Variants in PTCHD4 observed in about 807,000 individuals in gnomAD.
PTCHD4 encodes patched domain containing 4, also known as patched domain-containing protein 4.
A neutral mutation model predicts 58.1 loss-of-function variants in PTCHD4; 33 were observed. That is an observed-to-expected ratio of 0.57 (90% CI 0.43 to 0.76). The LOEUF is 0.76. Ranked by LOEUF, PTCHD4 falls within the 30% of genes least tolerant of loss-of-function variation. The pLI, the probability that PTCHD4 is intolerant of heterozygous loss-of-function variation, is 0.00. For synonymous variants in PTCHD4, 478 were observed against 409.6 expected (o/e 1.17, Z -2.02); for missense variants, 1,058 against 1,027.1 (o/e 1.03, Z -0.41).
chr6:47,925,796 G>A (rs909749853), intron 4 of PTCHD4, among the ~76,000 whole-genome samples: 6 of 152,048 alleles, frequency 3.9e-5, no homozygotes, highest in South Asian at 2.1e-4. Flanking sequence ...TTTCAGTCTC[G>A]GGGCAATTTA....
intron 1 of PTCHD4, among the ~76,000 whole-genome samples, chr6:48,084,057 T>A (rs989375203): frequency 6.6e-6 from 1 of 152,086 alleles, no homozygotes; most frequent in Non-Finnish European, 1.5e-5. Flanking sequence ...AAACCTCCTA[T>A]ATGGGGTTCG....
chr6:47,934,641 T>C (rs1247452715), intron 4 of PTCHD4, among the ~76,000 whole-genome samples: 2 of 152,172 alleles, frequency 1.3e-5, no homozygotes, highest in East Asian at 3.8e-4. Context: ...TTCCTTAGAC[T>C]CCTAGAACTG....
At chr6:48,017,767 T>C (rs968901125) in intron 3 of PTCHD4, among the ~76,000 whole-genome samples, 9 of 152,194 alleles carry the variant, frequency 5.9e-5, no homozygotes, top group African/African-American at 2.2e-4. Flanking sequence ...ATCACTTGAT[T>C]CGTGTGTCTG....
At chr6:48,029,300 TA>T (rs1763355880) in intron 3 of PTCHD4, among the ~76,000 whole-genome samples, 1 of 152,070 alleles carries the variant, frequency 6.6e-6, no homozygotes, top group East Asian at 1.9e-4. Flanking sequence ...AAGAGATTTA[TA>T]AAAAACTCTG....
rs1202258020 is a variant in PTCHD4, at chr6:47,879,299, A to G, written c.1536T>C (p.Tyr512=). Reference sequence around the variant, plus strand: ...AGACGTAGAATCCTATCACAGGGCTATAGTTGCTGAAATATTTCTGCTGAA... The same window carrying G: ...AGACGTAGAATCCTATCACAGGGCTGTAGTTGCTGAAATATTTCTGCTGAA... ...AMVQQKYFSN[Y]SPVIGFYVYE... The change falls in exon 5 of 5, where the codon TAT becomes TAC. Residue 512 remains tyrosine (Y), a synonymous_variant. Coordinates refer to ENST00000339488, the MANE Select transcript of PTCHD4 (RefSeq NM_001384253.1). 4 of 1,612,638 alleles carry G rather than the reference A, an allele frequency of 2.5e-6. No homozygotes were observed. Among genetic ancestry groups the G allele is most frequent in the Non-Finnish European group, 2.5e-6 (3 of 1,179,380 alleles).
intron 3 of PTCHD4, among the ~76,000 whole-genome samples, chr6:48,028,739 A>G (rs1389730875): frequency 6.6e-6 from 1 of 152,006 alleles, no homozygotes; most frequent in Non-Finnish European, 1.5e-5. Flanking sequence ...ATTTAAGATA[A>G]CCCAAATATT....
At chr6:47,990,258 G>A (rs112229590) in intron 4 of PTCHD4, among the ~76,000 whole-genome samples, 2,006 of 152,244 alleles carry the variant, frequency 0.013, 17 homozygotes, top group Non-Finnish European at 0.02. Context: ...TCTCAGATGA[G>A]ACTTTGGACT....
At chr6:48,087,889 G>A (rs1765292083) in intron 1 of PTCHD4, among the ~76,000 whole-genome samples, 1 of 152,070 alleles carries the variant, frequency 6.6e-6, no homozygotes, top group Admixed American at 6.5e-5. Flanking sequence ...ATTATATGGT[G>A]GTCCTTAAGC....
intron 3 of PTCHD4, among the ~76,000 whole-genome samples, chr6:48,029,436 G>A (rs1763361548): frequency 6.6e-6 from 1 of 152,000 alleles, no homozygotes; most frequent in Non-Finnish European, 1.5e-5. Flanking sequence ...CCAATATCAA[G>A]CAGAACAAAA....
chr6:47,978,148 T>G lies in PTCHD4; in HGVS notation c.898+30486A>C, dbSNP rs547644937. On this transcript the variant is annotated intron_variant, in intron 4 of 4. Coordinates refer to ENST00000339488, the MANE Select transcript of PTCHD4 (RefSeq NM_001384253.1). ...TTTCTTCTCCTCCTTTACTTCTTCT[T>G]CCTCTTCCTCCTTCTCTTGATTCTT... 6.7e-4 allele frequency among the ~76,000 whole-genome samples: 102 copies of G among 152,260 alleles called. 1 individual carries two copies. The highest frequency in any genetic ancestry group is 2.3e-3 in the African/African-American group (94 of 41,554).
At chr6:48,089,458 A>G (rs769754982) in intron 1 of PTCHD4, among the ~76,000 whole-genome samples, 6 of 152,352 alleles carry the variant, frequency 3.9e-5, no homozygotes, top group Non-Finnish European at 7.3e-5. Context: ...AAATCTTAAC[A>G]CATGTTAATG....
At chr6:47,954,771 C>T (rs1268392628) in intron 4 of PTCHD4, among the ~76,000 whole-genome samples, 2 of 152,210 alleles carry the variant, frequency 1.3e-5, no homozygotes, top group Non-Finnish European at 2.9e-5. Flanking sequence ...ACTCCCCTAT[C>T]TGTAAGTGTA....
At chr6:47,983,324 G>A (rs1767952239) in intron 4 of PTCHD4, among the ~76,000 whole-genome samples, 1 of 152,016 alleles carries the variant, frequency 6.6e-6, no homozygotes, top group Non-Finnish European at 1.5e-5. Context: ...ATGGTGCCTT[G>A]TAATGCCAAT....
In PTCHD4 at chr6:48,032,672, A is replaced by G. The variant is rs184233759; in HGVS notation, c.418-23558T>C. Among the ~76,000 whole-genome samples, 319 of 152,274 alleles carry G rather than the reference A, an allele frequency of 2.1e-3. 6 individuals are homozygous for G. The highest frequency in any genetic ancestry group is 7.4e-5 in the Non-Finnish European group (5 of 68,002). Reference sequence around the variant, plus strand: ...TTTTAAGTTGTTCAATAAGTCCATTAAAGCTACAGTATTTCTGAGGAAACT... The same window carrying G: ...TTTTAAGTTGTTCAATAAGTCCATTGAAGCTACAGTATTTCTGAGGAAACT... On this transcript the variant is annotated intron_variant, in intron 3 of 4. Transcript: ENST00000339488.
At chr6:48,060,952 T>C (rs1478510030) in intron 3 of PTCHD4, among the ~76,000 whole-genome samples, 1 of 152,210 alleles carries the variant, frequency 6.6e-6, no homozygotes, top group Admixed American at 6.5e-5. Context: ...TGAATTCATC[T>C]CAATGACAGA....
intron 4 of PTCHD4, among the ~76,000 whole-genome samples, chr6:47,897,940 C>CTTTT (rs67063892): frequency 0.015 from 1,170 of 76,312 alleles, 2 homozygotes; most frequent in African/African-American, 0.019. Context: ...TTCTTTCTTT[C>CTTTT]TTTTTTTTTT....
chr6:47,989,519 G>C (rs1198406460), intron 4 of PTCHD4, among the ~76,000 whole-genome samples: 1 of 152,194 alleles, frequency 6.6e-6, no homozygotes, highest in Non-Finnish European at 1.5e-5. Flanking sequence ...GCTGTGTGAA[G>C]TCTAGGTACT....
chr6:47,930,095 A>T (rs1420233537), intron 4 of PTCHD4, among the ~76,000 whole-genome samples: 1 of 152,224 alleles, frequency 6.6e-6, no homozygotes, highest in African/African-American at 2.4e-5. Context: ...AGTGGCCTTA[A>T]ATCAACTATT....
Position 47,937,430 on chromosome 6 carries a change from G to A in PTCHD4, c.899-57494C>T, listed in dbSNP as rs570283761. ...TTGTGAAGGAAAGAGAGCTGGTAAG[G>A]ATTATTCCATATTTTTGGTTATATA... On this transcript the variant is annotated intron_variant, in intron 4 of 4. Coordinates refer to ENST00000339488, the MANE Select transcript of PTCHD4 (RefSeq NM_001384253.1). Among the ~76,000 whole-genome samples the A allele has an allele frequency of 4.9e-4, 74 of 152,258 alleles. 1 individual carries two copies. The South Asian group carries it at 0.014, about 29-fold the overall frequency.
Sources: allele counts gnomAD v4.1 joint callset (sites outside exome capture counted in the v4.1 genomes callset), GRCh38; gene constraint gnomAD v4.1.1; transcripts MANE v1.5; gene names NCBI Gene and HGNC (gene_info 2026-07-23, HGNC 2026-07-21).